Variants in SPNS2 observed in about 807,000 individuals in gnomAD.
SPNS2 encodes the protein SPNS lysolipid transporter 2, sphingosine-1-phosphate, also known as sphingosine-1-phosphate transporter SPNS2.
SPNS2 carries 37 observed loss-of-function variants against 57.6 expected under a neutral mutation model. The observed-to-expected ratio is 0.64, with a 90% CI of 0.49 to 0.85. SPNS2 has a LOEUF of 0.85. SPNS2 is among the 40% of genes least tolerant of loss of function. The pLI is 0.00. For missense variants in SPNS2, 831 were observed against 779.1 expected (o/e 1.07, Z -0.79); for synonymous variants, 440 against 346.9 (o/e 1.27, Z -2.98).
In SPNS2 at chr17:4,536,274, G is replaced by T. The variant is rs774749514; in HGVS notation, c.1455G>T (p.Leu485=). 18 of 1,612,224 alleles carry T rather than the reference G, an allele frequency of 1.1e-5. No individual in the cohort carries two copies. The African/African-American group carries it at 1.7e-4, about 16-fold the overall frequency. Residue 485 remains leucine, a synonymous_variant, in exon 11 of 13, where the codon CTG becomes CTT. Transcript: ENST00000329078. ...CCAAATCCTCGCAGATCTCAGACCT[G>T]ATCCGCCAGAGCACTAAGGACTCCC... ...SPYLIGFISD[L]IRQSTKDSPL...
chr17:4,528,434 G>A (rs1300372694), intron 3 of SPNS2, among the ~76,000 whole-genome samples: 1 of 152,092 alleles, frequency 6.6e-6, no homozygotes, highest in Non-Finnish European at 1.5e-5. Context: ...AAGATGCGTG[G>A]AGGGTTTCCT....
chr17:4,536,011 C>T (rs945044775), intron 9 of SPNS2, 65 bp from the exon 10 acceptor site: 57 of 1,444,680 alleles, frequency 3.9e-5, no homozygotes, highest in Middle Eastern at 2.3e-4. Context: ...TGCCACGGCC[C>T]GGGGCCAGGG....
rs950764222 is a variant in SPNS2, at chr17:4,499,004, G to GCCCCGCGCC, written c.-28_-20dup. 500 of 984,404 alleles carry GCCCCGCGCC rather than the reference G, an allele frequency of 5.1e-4. No homozygotes were observed. Among genetic ancestry groups the GCCCCGCGCC allele is most frequent in the Non-Finnish European group, 5.7e-4 (470 of 828,724 alleles). 61.0% of individuals were successfully genotyped at this position (984,404 alleles called of 1,614,324 possible). On this transcript the variant is annotated 5_prime_UTR_variant, in exon 1 of 13. Coordinates refer to ENST00000329078, the MANE Select transcript of SPNS2 (RefSeq NM_001124758.3). The surrounding 1 kb of genome is among the most constrained non-coding windows in gnomAD (Gnocchi z 5.2). Reference sequence around the variant, plus strand: ...CACGCGCTGAGCGGGCCCAGCCTGGGCCCCGCGCCCCCCGCGCCCCCCGCC... The same window carrying GCCCCGCGCC: ...CACGCGCTGAGCGGGCCCAGCCTGGGCCCCGCGCCCCCCGCGCCCCCCGCGCCCCCCGCC...
intron 5 of SPNS2, 63 bp downstream of exon 5, chr17:4,531,182 C>T: frequency 6.5e-7 from 1 of 1,535,470 alleles, no homozygotes; most frequent in South Asian, 1.1e-5. Context: ...CAGGGTTGCC[C>T]AGAGATGTAA....
rs1023554778 is a variant in SPNS2, at chr17:4,510,221, C to T, written c.371-3026C>T. Among the ~76,000 whole-genome samples the T allele has an allele frequency of 9.9e-5, 15 of 152,198 alleles. No homozygotes were observed. Among genetic ancestry groups the T allele is most frequent in the Non-Finnish European group, 1.3e-4 (9 of 68,036 alleles). ...GCCTCGCAGCCTGCAGGAAGCCCTG[C>T]TCCCTGGGAAGGTTCTCTCTGGTCT... On this transcript the variant is annotated intron_variant, in intron 1 of 12. Transcript: ENST00000329078. The surrounding 1 kb of genome is among the most constrained non-coding windows in gnomAD (Gnocchi z 4.4).
rs770949566 is a variant in SPNS2 at position 4,536,814 on chromosome 17, GC to G, written c.1608-81del. 1.7e-5 allele frequency: 19 copies of G among 1,128,250 alleles called. No individual in the cohort carries two copies. The South Asian group carries it at 2.4e-4, about 14-fold the overall frequency. 69.9% of individuals were successfully genotyped at this position (1,128,250 alleles called of 1,614,324 possible). ...CCTGCCCAGCACCTCCGGTCAGCTGGCCCCCACGACACGATGTGCCAGAGCA... is the reference window on the plus strand; with the variant it reads ...CCTGCCCAGCACCTCCGGTCAGCTGGCCCCACGACACGATGTGCCAGAGCA... On this transcript the variant is annotated intron_variant, in intron 11 of 12. Transcript: ENST00000329078.
At position 4,532,634 on chromosome 17, in the gene SPNS2, G is replaced by A. The variant is rs1268301900; in HGVS notation, c.885G>A (p.Gln295=). 5.0e-6 allele frequency: 8 copies of A among 1,614,134 alleles called. No homozygotes were observed. Among genetic ancestry groups the A allele is most frequent in the Non-Finnish European group, 6.8e-6 (8 of 1,180,038 alleles). The change falls in exon 6 of 13, where the codon CAG becomes CAA. Residue 295 remains glutamine, a synonymous_variant. Coordinates refer to ENST00000329078, the MANE Select transcript of SPNS2 (RefSeq NM_001124758.3). Reference sequence around the variant, plus strand: ...GTCATGCCGACCAGCTCGGGGACCAGCTCAAGGCCCGGACCTCATGGCTCC... The same window carrying A: ...GTCATGCCGACCAGCTCGGGGACCAACTCAAGGCCCGGACCTCATGGCTCC... ...KRGHADQLGD[Q]LKARTSWLRD...
chr17:4,522,184 G>A (rs768900644), intron 2 of SPNS2, among the ~76,000 whole-genome samples: 3 of 152,192 alleles, frequency 2.0e-5, no homozygotes, highest in Non-Finnish European at 4.4e-5. Flanking sequence ...GGGCGACAGA[G>A]CGAAACTCCA....
At chr17:4,534,761 G>A (rs749041309) in intron 9 of SPNS2, among the ~76,000 whole-genome samples, 1 of 152,004 alleles carries the variant, frequency 6.6e-6, no homozygotes, top group Non-Finnish European at 1.5e-5. Context: ...GCCTCAGCAC[G>A]GAGCCAGGCG....
At chr17:4,533,662 ATGTGGGCCCGGGAGGGGTGTGAGGTTT>A in intron 8 of SPNS2, 99 bp from the exon 9 acceptor site, 1 of 1,143,312 alleles carries the variant, frequency 8.7e-7, no homozygotes, top group Non-Finnish European at 1.3e-6. Context: ...CCATGAATGG[ATGTGGGCCCGGGAGGGGTGTGAGGTTT>A]TGTGGGCTCC....
intron 8 of SPNS2, 114 bp downstream of exon 8, chr17:4,533,546 C>T: frequency 1.6e-6 from 2 of 1,233,916 alleles, no homozygotes; most frequent in Non-Finnish European, 1.1e-6. Context: ...GGGGAGGCTC[C>T]TATTCTCTGG....
At position 4,525,051 on chromosome 17, in the gene SPNS2, C is replaced by G; in HGVS notation, c.437-6C>G. 1 of 1,614,132 alleles carries G rather than the reference C, an allele frequency of 6.2e-7. No homozygotes were observed. Among genetic ancestry groups the G allele is most frequent in the Non-Finnish European group, 8.5e-7 (1 of 1,179,954 alleles). On this transcript the variant is annotated splice_polypyrimidine_tract_variant and splice_region_variant and intron_variant, in intron 2 of 12. Transcript: ENST00000329078. ...GGCCCCCCCTCAAGCTCTCCTCTCC[C>G]TGCAGTGTTCATCTGTAGCTTCATG... is the stretch of plus-strand genomic sequence containing the variant.
At chr17:4,524,366 C>A in intron 2 of SPNS2, among the ~76,000 whole-genome samples, 1 of 152,248 alleles carries the variant, frequency 6.6e-6, no homozygotes. Context: ...TGGAAAGATA[C>A]GTAATACATG....
In SPNS2 at chr17:4,530,715, C is replaced by T. The variant is rs1183573796; in HGVS notation, c.657C>T (p.Gly219=). The change falls in exon 4 of 13, where the codon GGC becomes GGT. Residue 219 remains glycine, a synonymous_variant. Transcript: ENST00000329078. The part of the protein sequence containing the change: ...SYSTIAPTII[G]DLFTKNTRTL... ...CCACCATCGCCCCCACTATCATTGG[C>T]GACCTCTTCACCAAGAACACGCGTA... 13 of 1,613,908 alleles carry T rather than the reference C, an allele frequency of 8.1e-6. No homozygotes were observed. The highest frequency in any genetic ancestry group is 1.6e-4 in the Middle Eastern group (1 of 6,066).
rs1230066772 is a variant in SPNS2 at position 4,511,296 on chromosome 17, G to C, written c.371-1951G>C. ...AACAGGAGGCATCTGAACTGGCCTT[G>C]AAGAAGTGGCAGGAGTGAGCCTGGT... On this transcript the variant is annotated intron_variant, in intron 1 of 12. Coordinates refer to ENST00000329078, the MANE Select transcript of SPNS2 (RefSeq NM_001124758.3). This position sits in a 1 kb window ranked among gnomAD's most constrained non-coding sequence, Gnocchi z 4.6. Among the ~76,000 whole-genome samples, 1 of 152,222 alleles carries C rather than the reference G, an allele frequency of 6.6e-6. No homozygotes were observed. The highest frequency in any genetic ancestry group is 1.5e-5 in the Non-Finnish European group (1 of 68,034).
chr17:4,502,955 G>A (rs1416182563), intron 1 of SPNS2, among the ~76,000 whole-genome samples: 4 of 152,054 alleles, frequency 2.6e-5, no homozygotes, highest in Non-Finnish European at 5.9e-5. Context: ...CCTCTCCTCC[G>A]CCCCATGAGA....
At chr17:4,533,460 G>A (rs750618270) in intron 8 of SPNS2, 28 bp downstream of exon 8, 1 of 1,564,544 alleles carries the variant, frequency 6.4e-7, no homozygotes, top group South Asian at 1.2e-5. Context: ...CAAGGGTGCT[G>A]GGGGAGCTGG....
At chr17:4,518,243 G>T (rs1210081745) in intron 2 of SPNS2, among the ~76,000 whole-genome samples, 1 of 152,244 alleles carries the variant, frequency 6.6e-6, no homozygotes, top group Non-Finnish European at 1.5e-5. Context: ...GTGTGTCTCG[G>T]GCCGGGCGCG....
chr17:4,500,735 C>A (rs1904468622), intron 1 of SPNS2, among the ~76,000 whole-genome samples: 1 of 152,146 alleles, frequency 6.6e-6, no homozygotes. Flanking sequence ...GTCTCCCCGT[C>A]TGTTGAATGG....
Sources: allele counts gnomAD v4.1 joint callset (sites outside exome capture counted in the v4.1 genomes callset), GRCh38; gene constraint gnomAD v4.1.1; non-coding constraint Gnocchi (gnomAD v3.1); transcripts MANE v1.5; gene names NCBI Gene and HGNC (gene_info 2026-07-23, HGNC 2026-07-21).